PCDHA6: variants seen among roughly 807,000 people sequenced by gnomAD.
The protein encoded by PCDHA6 is protocadherin alpha 6, also known as protocadherin alpha-6.
In PCDHA6, 55 loss-of-function variants were observed where a neutral mutation model predicts 60.3. That is an observed-to-expected ratio of 0.91 (90% CI 0.73 to 1.14). PCDHA6 has a LOEUF of 1.14. Ranked by LOEUF, PCDHA6 falls within the 50% of genes most tolerant of loss-of-function variation. The pLI, the probability that PCDHA6 is intolerant of heterozygous loss-of-function variation, is 0.00. For synonymous variants in PCDHA6, 652 were observed against 557.9 expected (o/e 1.17, Z -2.38); for missense variants, 1,327 against 1,256.5 (o/e 1.06, Z -0.85).
intron 1 of PCDHA6, chr5:140,843,126 G>T (rs1554139770): frequency 3.8e-6 from 6 of 1,595,828 alleles, no homozygotes; most frequent in Non-Finnish European, 5.1e-6. Flanking sequence ...GCCGACTCGG[G>T]CTACAACGCG....
intron 1 of PCDHA6, chr5:140,877,006 G>A: frequency 6.2e-7 from 1 of 1,612,484 alleles, no homozygotes; most frequent in Non-Finnish European, 8.5e-7. Flanking sequence ...GTCGGTGCAC[G>A]CGGAGAGCGG....
intron 1 of PCDHA6, among the ~76,000 whole-genome samples, chr5:140,933,899 G>T (rs2089496307): frequency 6.6e-6 from 1 of 151,508 alleles, no homozygotes; most frequent in African/African-American, 2.4e-5. Flanking sequence ...TGAATATTTT[G>T]GCATAAAGTT....
At chr5:140,877,798 CT>C (rs782663782) in intron 1 of PCDHA6, 1 of 1,613,568 alleles carries the variant, frequency 6.2e-7, no homozygotes, top group Non-Finnish European at 8.5e-7. Context: ...CAGCCCAAGC[CT>C]TCAGCTGTCT....
chr5:140,959,480 T>C (rs1554224103), intron 1 of PCDHA6, among the ~76,000 whole-genome samples: 1 of 152,222 alleles, frequency 6.6e-6, no homozygotes, highest in Non-Finnish European at 1.5e-5. Context: ...TCAAGGCATA[T>C]TGTTATATAT....
intron 1 of PCDHA6, among the ~76,000 whole-genome samples, chr5:140,952,280 G>A (rs1320502466): frequency 2.0e-5 from 3 of 151,652 alleles, no homozygotes; most frequent in Non-Finnish European, 4.4e-5. Context: ...TGAGGGTGGT[G>A]GCCCTCTTCT....
At chr5:140,877,097 T>A in intron 1 of PCDHA6, 1 of 1,613,308 alleles carries the variant, frequency 6.2e-7, no homozygotes, top group Non-Finnish European at 8.5e-7. Context: ...GACGCCGGCG[T>A]GCCGCCTCTG....
chr5:140,884,556 GC>G, intron 1 of PCDHA6: 2 of 1,614,154 alleles, frequency 1.2e-6, no homozygotes, highest in Non-Finnish European at 1.7e-6. Flanking sequence ...TCTGGGGAGG[GC>G]CCGCATAAGA....
At position 140,942,948 on chromosome 5, in the gene PCDHA6, C is replaced by T. The variant is rs534534050; in HGVS notation, c.2395-36001C>T. 1.4e-4 allele frequency among the ~76,000 whole-genome samples: 22 copies of T among 151,804 alleles called. No individual in the cohort carries two copies. The South Asian group carries it at 4.0e-3, about 27-fold the overall frequency. On this transcript the variant is annotated intron_variant, in intron 1 of 3. Transcript: ENST00000529310. ...ATTGAAAAAGAGTTTAAAGTGTAGA[C>T]GTTCTGTTATCAGAATTAAATTTTG... is the stretch of plus-strand genomic sequence containing the variant.
intron 1 of PCDHA6, chr5:140,928,272 TG>T (rs781906023): frequency 6.2e-7 from 1 of 1,614,156 alleles, no homozygotes; most frequent in Non-Finnish European, 8.5e-7. Context: ...ACAATGGCCC[TG>T]GGGCCTCTCT....
intron 1 of PCDHA6, chr5:140,865,868 G>A (rs2049029480): frequency 1.3e-5 from 2 of 152,098 alleles, no homozygotes; most frequent in African/African-American, 2.4e-5. Context: ...CATGGTCTCG[G>A]CTAGGAAAAT....
intron 3 of PCDHA6, among the ~76,000 whole-genome samples, chr5:140,984,789 A>G (rs2097121266): frequency 6.6e-6 from 1 of 152,202 alleles, no homozygotes; most frequent in African/African-American, 2.4e-5. Context: ...GGGTGAGCAT[A>G]GACAAACTGC....
At chr5:140,911,158 G>A (rs1274383238) in intron 1 of PCDHA6, among the ~76,000 whole-genome samples, 1 of 152,162 alleles carries the variant, frequency 6.6e-6, no homozygotes, top group African/African-American at 2.4e-5. Context: ...TCAGACAAAT[G>A]TGGAAAGGCT....
chr5:140,896,959 T>C (rs1486927062), intron 1 of PCDHA6, among the ~76,000 whole-genome samples: 1 of 152,204 alleles, frequency 6.6e-6, no homozygotes, highest in Non-Finnish European at 1.5e-5. Context: ...CCTTAAACAT[T>C]TATTCTTTGC....
chr5:140,866,152 G>A (rs955753225), intron 1 of PCDHA6: 31 of 152,098 alleles, frequency 2.0e-4, no homozygotes, highest in African/African-American at 7.5e-4. Flanking sequence ...AGTGATATAA[G>A]TAAGAATCGT....
intron 1 of PCDHA6, chr5:140,883,291 A>G: frequency 6.2e-7 from 1 of 1,614,118 alleles, no homozygotes; most frequent in Non-Finnish European, 8.5e-7. Flanking sequence ...TGGAAGTACT[A>G]GATGTAAATG....
intron 3 of PCDHA6, among the ~76,000 whole-genome samples, chr5:141,000,391 C>CTA (rs2097912428): frequency 7.9e-4 from 45 of 56,656 alleles, no homozygotes; most frequent in East Asian, 1.2e-3. Flanking sequence ...CTCTCTCTCT[C>CTA]TCTCTATATA....
chr5:140,856,147 A>T lies in PCDHA6; in HGVS notation c.2394+25662A>T, dbSNP rs142037616. ...TGGGGAGCGGCCAGCTCCACTACTC[A>T]GTCTACGAGGAGGCCAGACACGGCA... is the stretch of plus-strand genomic sequence containing the variant. On this transcript the variant is annotated intron_variant, in intron 1 of 3. Transcript: ENST00000529310. 363 of 1,598,234 alleles carry T rather than the reference A, an allele frequency of 2.3e-4. 22 individuals are homozygous for T. In the African/African-American group the frequency reaches 3.7e-3, roughly 16 times the overall value.
intron 1 of PCDHA6, among the ~76,000 whole-genome samples, chr5:140,901,267 T>G (rs2153472974): frequency 6.6e-6 from 1 of 152,344 alleles, no homozygotes; most frequent in East Asian, 1.9e-4. Context: ...TTGTGGGGTA[T>G]TACTCAAGAA....
chr5:140,830,567 G>A (rs1771136580), intron 1 of PCDHA6, 82 bp downstream of exon 1: 1 of 951,116 alleles, frequency 1.1e-6, no homozygotes, highest in Non-Finnish European at 1.4e-6. Flanking sequence ...CTATATTTCT[G>A]TTTTTAATTT....
Sources: allele counts gnomAD v4.1 joint callset (sites outside exome capture counted in the v4.1 genomes callset), GRCh38; gene constraint gnomAD v4.1.1; transcripts MANE v1.5; gene names NCBI Gene and HGNC (gene_info 2026-07-23, HGNC 2026-07-21).